The following CDH1 variants were observed in gnomAD, a reference collection of about 807,000 sequenced individuals.
CDH1 encodes cadherin 1.
CDH1 carries 35 observed loss-of-function variants against 84.5 expected under a neutral mutation model. That is an observed-to-expected ratio of 0.41 (90% confidence interval 0.32 to 0.55). CDH1 has a LOEUF of 0.55. Ranked by LOEUF, CDH1 falls within the 20% of genes least tolerant of loss-of-function variation. CDH1 has a pLI of 0.19. For missense variants in CDH1, 994 were observed against 1,126.6 expected, an observed-to-expected ratio of 0.88 and a Z score of 1.68; for synonymous variants, 417 against 439.0, an observed-to-expected ratio of 0.95 and a Z score of 0.63.
chr16:68,777,087 G>T (rs1008175194), intron 2 of CDH1, among the ~76,000 whole-genome samples: 1 of 152,154 alleles, frequency 6.6e-6, no homozygotes. Context: ...ATCATGAACT[G>T]GTTCAGAGAG....
At chr16:68,752,395 A>G (rs1178293501) in intron 2 of CDH1, among the ~76,000 whole-genome samples, 2 of 152,226 alleles carry the variant, frequency 1.3e-5, no homozygotes, top group Non-Finnish European at 1.5e-5. Context: ...TCCCACTAGA[A>G]CAGAAGCCTC....
In CDH1 at chr16:68,745,547, A is replaced by ATATATATATATATATGTATATAT. The variant is rs1491171815; in HGVS notation, c.163+7136_163+7137insTATATATATATATATGTATATAT. On this transcript the variant is annotated intron_variant, in intron 2 of 15. Transcript: ENST00000261769. Reference sequence around the variant, plus strand: ...AGATCCTGTCTCAAAAAAAAAAAAAAAAATATATATATATATGTATATATA... The same window carrying ATATATATATATATATGTATATAT: ...AGATCCTGTCTCAAAAAAAAAAAAAATATATATATATATATGTATATATAAATATATATATATATGTATATATA... Among the ~76,000 whole-genome samples, 76 of 21,968 alleles carry ATATATATATATATATGTATATAT rather than the reference A, an allele frequency of 3.5e-3. 2 individuals carry two copies. The highest frequency in any genetic ancestry group is 7.2e-3 in the African/African-American group (74 of 10,330). 14.4% of individuals were successfully genotyped at this position (21,968 alleles called of 152,430 possible).
At chr16:68,823,337 C>A in intron 12 of CDH1, 62 bp from the exon 13 acceptor site, 1 of 1,223,946 alleles carries the variant, frequency 8.2e-7, no homozygotes, top group Non-Finnish European at 1.2e-6. Context: ...CAATTTTATT[C>A]TGGAATGAGC....
chr16:68,808,313 T>C lies in CDH1; in HGVS notation c.388-111T>C, dbSNP rs567804919. On this transcript the variant is annotated intron_variant, in intron 3 of 15. Transcript: ENST00000261769. ...AGAGAATGTGTCATTAAATTCAAAC[T>C]GTACACTGCCCACAGAAGGCTGGGG... The C allele has an allele frequency of 3.3e-5, 36 of 1,091,846 alleles. 1 individual carries two copies. The South Asian group carries it at 4.5e-4, about 14-fold the overall frequency. 67.6% of individuals were successfully genotyped at this position (1,091,846 alleles called of 1,614,324 possible). A position where few individuals can be genotyped will look rare whatever the true frequency, so the allele number is the denominator to read the frequency against.
At chr16:68,792,333 A>G (rs1171393492) in intron 2 of CDH1, among the ~76,000 whole-genome samples, 1 of 151,336 alleles carries the variant, frequency 6.6e-6, no homozygotes, top group Non-Finnish European at 1.5e-5. Context: ...AGGTTCAAGC[A>G]ATTCTCCTGC....
chr16:68,755,902 T>A (rs2152118257), intron 2 of CDH1, among the ~76,000 whole-genome samples: 1 of 152,112 alleles, frequency 6.6e-6, no homozygotes, highest in African/African-American at 2.4e-5. Flanking sequence ...TAGCTGGGAT[T>A]ACAGGCATGT....
intron 11 of CDH1, among the ~76,000 whole-genome samples, 164 bp downstream of exon 11, chr16:68,819,589 C>T (rs949580031): frequency 6.6e-6 from 1 of 152,130 alleles, no homozygotes; most frequent in Non-Finnish European, 1.5e-5. Context: ...AATTTTGTTA[C>T]ATGCATAGAT....
At chr16:68,763,574 T>C (rs1231923019) in intron 2 of CDH1, 1 of 152,158 alleles carries the variant, frequency 6.6e-6, no homozygotes, top group Non-Finnish European at 1.5e-5. Flanking sequence ...GGAAGTCAAC[T>C]GTGGGACCTG....
chr16:68,811,536 G>C, intron 6 of CDH1, 148 bp from the exon 7 acceptor site: 1 of 706,198 alleles, frequency 1.4e-6, no homozygotes, highest in Non-Finnish European at 2.5e-6. Flanking sequence ...CTAGCACTTT[G>C]GTAAGAATTC....
intron 13 of CDH1, among the ~76,000 whole-genome samples, chr16:68,824,760 A>G (rs74025313): frequency 0.032 from 4,836 of 152,306 alleles, 124 homozygotes; most frequent in Middle Eastern, 0.13. Context: ...TGTTATGGTC[A>G]AGGTAAATAC....
intron 5 of CDH1, among the ~76,000 whole-genome samples, chr16:68,809,789 G>C (rs373950402): frequency 8.5e-5 from 13 of 152,160 alleles, no homozygotes; most frequent in African/African-American, 3.1e-4. Context: ...GCCTCCCAAA[G>C]TGCTGAGATT....
Position 68,825,489 on chromosome 16 carries a change from G to A in CDH1, c.2164+1863G>A, listed in dbSNP as rs572855530. ...TGATCCTGCTGCTGCTGCCTCAGTG[G>A]ACTCCAGGAGAGGGTGCCTTTCAAC... On this transcript the variant is annotated intron_variant, in intron 13 of 15. Transcript: ENST00000261769. Among the ~76,000 whole-genome samples the A allele has an allele frequency of 2.1e-3, 314 of 152,278 alleles. 2 individuals carry two copies. Among genetic ancestry groups the A allele is most frequent in the Non-Finnish European group, 3.5e-3 (236 of 68,016 alleles).
intron 14 of CDH1, among the ~76,000 whole-genome samples, chr16:68,829,080 A>G (rs1248478659): frequency 1.3e-5 from 2 of 152,200 alleles, no homozygotes; most frequent in African/African-American, 4.8e-5. Flanking sequence ...TTTCTCATGT[A>G]CCGTGGGGTA....
intron 2 of CDH1, among the ~76,000 whole-genome samples, chr16:68,744,042 G>T (rs1169410855): frequency 6.6e-6 from 1 of 152,222 alleles, no homozygotes; most frequent in Non-Finnish European, 1.5e-5. Flanking sequence ...AAAGTAGAGA[G>T]AATATTTTCA....
intron 3 of CDH1, among the ~76,000 whole-genome samples, chr16:68,802,312 A>T (rs2152127298): frequency 1.3e-5 from 2 of 152,340 alleles, no homozygotes; most frequent in South Asian, 4.1e-4. Flanking sequence ...TCACCTGTCT[A>T]TGCTTGAGCT....
rs750741214 is a variant in CDH1, at chr16:68,815,542, T to A, written c.1348T>A (p.Tyr450Asn). Residue 450 changes from tyrosine (Y) to asparagine (N), a missense_variant, in exon 10 of 16, where the codon TAC becomes AAC. By Grantham distance (143) the Tyr-to-Asn change is moderately radical. This residue lies in a region of CDH1 where 769 missense variants were observed against 881.8 expected (regional missense o/e 0.87). Coordinates refer to ENST00000261769, the MANE Select transcript of CDH1 (RefSeq NM_004360.5). ...CTTGGATTTTGAGGCCAAGCAGCAGTACATTCTACACGTAGCAGTGACGAA... is the reference window on the plus strand; with the variant it reads ...CTTGGATTTTGAGGCCAAGCAGCAGAACATTCTACACGTAGCAGTGACGAA... ...KGLDFEAKQQ[Y>N]ILHVAVTNVV... 29 of 1,614,124 alleles carry A rather than the reference T, an allele frequency of 1.8e-5. No individual in the cohort carries two copies. Among genetic ancestry groups the A allele is most frequent in the Non-Finnish European group, 2.5e-5 (29 of 1,180,052 alleles).
At chr16:68,750,707 G>GT (rs1962864995) in intron 2 of CDH1, among the ~76,000 whole-genome samples, 1 of 149,360 alleles carries the variant, frequency 6.7e-6, no homozygotes, top group African/African-American at 2.5e-5. Context: ...CTTTCTCCTT[G>GT]GTTTTTTTTT....
chr16:68,807,456 G>A (rs1960695348), intron 3 of CDH1, among the ~76,000 whole-genome samples: 1 of 152,098 alleles, frequency 6.6e-6, no homozygotes, highest in African/African-American at 2.4e-5. Context: ...AATCGCTTGA[G>A]CCCAGGAGTT....
rs1555516144 is a variant in CDH1, at chr16:68,815,656, C to A, written c.1462C>A (p.Pro488Thr). 6.2e-7 allele frequency: 1 copy of A among 1,614,188 alleles called. No individual in the cohort carries two copies. Among genetic ancestry groups the A allele is most frequent in the East Asian group, 2.2e-5 (1 of 44,876 alleles). ...TGTGAATGAAGCCCCCATCTTTGTGCCTCCTGAAAAGAGAGTGGAAGTGTC... is the reference window on the plus strand; with the variant it reads ...TGTGAATGAAGCCCCCATCTTTGTGACTCCTGAAAAGAGAGTGGAAGTGTC... ...LDVNEAPIFV[P>T]PEKRVEVSED... Residue 488 changes from proline (P) to threonine (T), a missense_variant, in exon 10 of 16, where the codon CCT becomes ACT. Physicochemically the swap from Pro to Thr is conservative, Grantham distance 38. Transcript: ENST00000261769.
Sources: allele counts gnomAD v4.1 joint callset (sites outside exome capture counted in the v4.1 genomes callset), GRCh38; gene constraint gnomAD v4.1.1; regional missense constraint gnomAD v4.1.1; transcripts MANE v1.5; gene names NCBI Gene and HGNC (gene_info 2026-07-23, HGNC 2026-07-21).